PTPRM: variants seen among roughly 807,000 people sequenced by gnomAD.
PTPRM encodes the protein protein tyrosine phosphatase receptor type M, also known as receptor-type tyrosine-protein phosphatase mu.
In PTPRM, 47 loss-of-function variants were observed where a neutral mutation model predicts 186.7. The observed-to-expected ratio is 0.25, with a 90% CI of 0.20 to 0.32. PTPRM has a LOEUF of 0.32. Among genes scored for constraint, PTPRM ranks in the 10% least tolerant of loss-of-function variants. The pLI is 1.00. For synonymous variants in PTPRM, 668 were observed against 674.9 expected (o/e 0.99, Z 0.16); for missense variants, 1,494 against 1,865.0 (o/e 0.80, Z 3.66).
At chr18:7,754,799 C>T (rs886315982) in intron 1 of PTPRM, 1 of 152,190 alleles carries the variant, frequency 6.6e-6, no homozygotes, top group Non-Finnish European at 1.5e-5. Flanking sequence ...CTGGATAGTC[C>T]CTCTGTCTGC....
intron 7 of PTPRM, among the ~76,000 whole-genome samples, chr18:7,992,622 G>A (rs1481441089): frequency 6.6e-6 from 1 of 152,106 alleles, no homozygotes; most frequent in Non-Finnish European, 1.5e-5. Context: ...CAGAAAACTG[G>A]TAGTACGGTA....
intron 19 of PTPRM, among the ~76,000 whole-genome samples, chr18:8,266,364 A>AG (rs386387000): frequency 5.1e-3 from 2 of 396 alleles, no homozygotes; most frequent in Non-Finnish European, 0.016. Context: ...GCTACCACTC[A>AG]AAAAAAAAAA....
intron 1 of PTPRM, among the ~76,000 whole-genome samples, chr18:7,747,024 C>G (rs1408687562): frequency 6.6e-6 from 1 of 152,160 alleles, no homozygotes; most frequent in Non-Finnish European, 1.5e-5. Flanking sequence ...GCTTTTTCCT[C>G]CTTTTCCCAG....
intron 1 of PTPRM, among the ~76,000 whole-genome samples, chr18:7,676,896 TTA>T (rs2039356987): frequency 6.6e-6 from 1 of 152,198 alleles, no homozygotes; most frequent in African/African-American, 2.4e-5. Context: ...TGACAGGGGC[TTA>T]TATGTCTCTG....
intron 11 of PTPRM, among the ~76,000 whole-genome samples, chr18:8,096,021 T>C (rs550461055): frequency 1.3e-5 from 2 of 152,332 alleles, no homozygotes; most frequent in African/African-American, 4.8e-5. Context: ...TTCTCCTACC[T>C]TCCTTATATT....
intron 19 of PTPRM, among the ~76,000 whole-genome samples, chr18:8,289,093 G>A (rs1403028823): frequency 1.3e-5 from 2 of 152,114 alleles, no homozygotes; most frequent in East Asian, 3.9e-4. Context: ...AGTTCAGAGT[G>A]GAATGGCCTT....
chr18:7,806,821 T>A (rs1157520896), intron 2 of PTPRM, among the ~76,000 whole-genome samples: 1 of 152,234 alleles, frequency 6.6e-6, no homozygotes, highest in African/African-American at 2.4e-5. Context: ...GCTGGTAAGA[T>A]GATGCAAAAG....
At chr18:8,133,811 TG>T (rs1040861259) in intron 13 of PTPRM, among the ~76,000 whole-genome samples, 46 of 152,284 alleles carry the variant, frequency 3.0e-4, no homozygotes, top group African/African-American at 1.1e-3. Flanking sequence ...GATTTGATTT[TG>T]TTTTTTTAAA....
chr18:7,776,735 G>A (rs1177870396), intron 2 of PTPRM, among the ~76,000 whole-genome samples: 1 of 152,112 alleles, frequency 6.6e-6, no homozygotes. Flanking sequence ...GACTGGAAGT[G>A]TTCTAAAAGC....
intron 7 of PTPRM, among the ~76,000 whole-genome samples, chr18:8,027,709 A>G (rs181374442): frequency 6.6e-6 from 1 of 152,376 alleles, no homozygotes; most frequent in African/African-American, 2.4e-5. Flanking sequence ...CTGAATTAGT[A>G]TCAAAGATTA....
chr18:8,238,967 A>G (rs1324849730), intron 14 of PTPRM, among the ~76,000 whole-genome samples: 2 of 140,044 alleles, frequency 1.4e-5, no homozygotes, highest in Non-Finnish European at 3.1e-5. Flanking sequence ...GTACTGGTAA[A>G]CATAGCTTCT....
intron 19 of PTPRM, among the ~76,000 whole-genome samples, chr18:8,284,390 C>T (rs2094934294): frequency 6.6e-6 from 1 of 152,144 alleles, no homozygotes; most frequent in Non-Finnish European, 1.5e-5. Flanking sequence ...ATTCTAAATA[C>T]AACTTCTGGC....
intron 2 of PTPRM, among the ~76,000 whole-genome samples, chr18:7,800,203 C>T (rs1218157140): frequency 6.6e-6 from 1 of 152,130 alleles, no homozygotes; most frequent in Non-Finnish European, 1.5e-5. Flanking sequence ...CAGGTGAGCG[C>T]CAAAGCATAC....
chr18:7,906,673 A>T, intron 4 of PTPRM, 90 bp downstream of exon 4: 1 of 1,081,278 alleles, frequency 9.2e-7, no homozygotes, highest in Admixed American at 1.8e-5. Context: ...ACCTGTGAAG[A>T]GGTCATCTTG....
At chr18:7,716,234 A>G (rs1041905473) in intron 1 of PTPRM, among the ~76,000 whole-genome samples, 1 of 152,202 alleles carries the variant, frequency 6.6e-6, no homozygotes, top group African/African-American at 2.4e-5. Flanking sequence ...GGACTCTGAC[A>G]AACCCAAGAA....
In PTPRM at chr18:7,991,014, T is replaced by C. The variant is rs770699099; in HGVS notation, c.1132+35600T>C. Among the ~76,000 whole-genome samples the C allele has an allele frequency of 4.6e-5, 7 of 152,196 alleles. No homozygotes were observed. The South Asian group carries it at 8.3e-4, about 18-fold the overall frequency. On this transcript the variant is annotated intron_variant, in intron 7 of 32. Coordinates refer to ENST00000580170, the MANE Select transcript of PTPRM (RefSeq NM_001105244.2). ...CTTACTGACCCAGTATAATTGAGTGTAATTCAGTGGAATCAGTGAATTTGT... is the reference window on the plus strand; with the variant it reads ...CTTACTGACCCAGTATAATTGAGTGCAATTCAGTGGAATCAGTGAATTTGT...
chr18:8,269,345 G>C (rs2094741315), intron 19 of PTPRM, among the ~76,000 whole-genome samples: 1 of 151,782 alleles, frequency 6.6e-6, no homozygotes, highest in African/African-American at 2.4e-5. Context: ...GGATGTGAAA[G>C]ATCTATACAC....
chr18:7,579,574 G>A (rs1164723117), intron 1 of PTPRM, among the ~76,000 whole-genome samples: 1 of 152,202 alleles, frequency 6.6e-6, no homozygotes, highest in Non-Finnish European at 1.5e-5. Flanking sequence ...AAACTTATCT[G>A]CTTCGTATAT....
At chr18:8,261,409 C>A (rs1333396570) in intron 19 of PTPRM, among the ~76,000 whole-genome samples, 1 of 152,140 alleles carries the variant, frequency 6.6e-6, no homozygotes, top group African/African-American at 2.4e-5. Context: ...ATAAACACTT[C>A]TAGAACTCTG....
Sources: gnomAD v4.1 joint callset for allele counts (sites outside exome capture counted in the v4.1 genomes callset) on GRCh38, gnomAD v4.1.1 for gene constraint, MANE v1.5 for transcripts, NCBI Gene and HGNC (gene_info 2026-07-23, HGNC 2026-07-21) for gene names.